SHANK2: variants seen among roughly 807,000 people sequenced by gnomAD.
The protein encoded by SHANK2 is SH3 and multiple ankyrin repeat domains 2.
SHANK2 carries 43 observed loss-of-function variants against 133.7 expected under a neutral mutation model. The observed-to-expected ratio is 0.32, with a 90% CI of 0.25 to 0.41. The LOEUF is 0.41. SHANK2 is among the 10% of genes least tolerant of loss of function. The probability of loss-of-function intolerance (pLI) is 1.00; values close to 1 mark genes in which losing one functional copy is unlikely to be tolerated. For synonymous variants in SHANK2, 1,017 were observed against 952.8 expected (o/e 1.07, Z -1.24); for missense variants, 1,994 against 2,235.8 (o/e 0.89, Z 2.18).
At chr11:71,064,168 C>T (rs1240846163) in intron 9 of SHANK2, among the ~76,000 whole-genome samples, 1 of 152,222 alleles carries the variant, frequency 6.6e-6, no homozygotes, top group Non-Finnish European at 1.5e-5. Flanking sequence ...CTGTCCTAGT[C>T]CCTGGGGACA....
intron 17 of SHANK2, among the ~76,000 whole-genome samples, chr11:70,655,895 G>A (rs561884): frequency 0.23 from 34,965 of 152,068 alleles, 4,248 homozygotes; most frequent in Non-Finnish European, 0.28. Context: ...TGGATGCCCA[G>A]CTCTCGCCTC....
chr11:70,533,699 C>T (rs2059507894), intron 17 of SHANK2, among the ~76,000 whole-genome samples: 1 of 152,118 alleles, frequency 6.6e-6, no homozygotes, highest in Admixed American at 6.5e-5. Flanking sequence ...GACTCCATGG[C>T]ATTTAGTACA....
chr11:70,656,501 C>A (rs2061407533), intron 17 of SHANK2, among the ~76,000 whole-genome samples: 3 of 152,154 alleles, frequency 2.0e-5, no homozygotes, highest in African/African-American at 7.2e-5. Flanking sequence ...CGCCGCCCTG[C>A]CCCTCCCACG....
chr11:70,869,270 C>T (rs1217049761), intron 11 of SHANK2, among the ~76,000 whole-genome samples: 8 of 152,302 alleles, frequency 5.3e-5, no homozygotes, highest in African/African-American at 1.2e-4. Flanking sequence ...TGCTTTATGA[C>T]GGCAGCTGGA....
At chr11:70,751,389 C>T (rs1946746206) in intron 14 of SHANK2, among the ~76,000 whole-genome samples, 2 of 152,210 alleles carry the variant, frequency 1.3e-5, no homozygotes, top group South Asian at 2.1e-4. Flanking sequence ...TTTTAAAATA[C>T]TGCAAATGCA....
Position 70,476,159 on chromosome 11 carries a change from C to T in SHANK2, c.4980-2720G>A, listed in dbSNP as rs572315946. Among the ~76,000 whole-genome samples, 8 of 152,184 alleles carry T rather than the reference C, an allele frequency of 5.3e-5. No homozygotes were observed. In the East Asian group the frequency reaches 1.2e-3, roughly 22 times the overall value. On this transcript the variant is annotated intron_variant, in intron 25 of 25. Coordinates refer to ENST00000601538, the MANE Select transcript of SHANK2 (RefSeq NM_012309.5). Reference sequence around the variant, plus strand: ...AGGAGAATTGCTTGAACCCAGGAGGCGGAGGTTGCAGTGAGCTGAGATCGT... The same window carrying T: ...AGGAGAATTGCTTGAACCCAGGAGGTGGAGGTTGCAGTGAGCTGAGATCGT...
intron 2 of SHANK2, among the ~76,000 whole-genome samples, chr11:71,177,502 G>A (rs1020750249): frequency 1.3e-5 from 2 of 152,034 alleles, no homozygotes; most frequent in Admixed American, 1.3e-4. Context: ...TGAACCCTAA[G>A]CCAACCATTG....
chr11:70,665,381 T>C (rs1226732020), intron 15 of SHANK2, among the ~76,000 whole-genome samples: 2 of 117,198 alleles, frequency 1.7e-5, no homozygotes, highest in Non-Finnish European at 3.8e-5. Context: ...CCTCAAGGGA[T>C]GCTCCCTTCT....
chr11:70,489,483 G>A, intron 23 of SHANK2, 135 bp from the exon 24 acceptor site: 2 of 837,374 alleles, frequency 2.4e-6, no homozygotes, highest in Non-Finnish European at 4.2e-6. Flanking sequence ...CCTAGTGACT[G>A]CCTACAGTTA....
intron 14 of SHANK2, among the ~76,000 whole-genome samples, chr11:70,728,788 T>C (rs2134709111): frequency 6.6e-6 from 1 of 152,300 alleles, no homozygotes; most frequent in South Asian, 2.1e-4. Flanking sequence ...TCACACCTTC[T>C]CCTACGCATG....
rs184212958 is a variant in SHANK2, at chr11:70,579,546, C to A, written c.2062-76615G>T. The stretch of plus-strand genomic sequence containing the variant: ...CCAGGTGGCATCTCCCAGGCCTGGG[C>A]GGTGATGGCATGAATGTAAGACAGG... On this transcript the variant is annotated intron_variant, in intron 17 of 25. Transcript: ENST00000601538. Among the ~76,000 whole-genome samples the A allele has an allele frequency of 2.9e-3, 436 of 152,152 alleles. 1 individual carries two copies. Among genetic ancestry groups the A allele is most frequent in the Middle Eastern group, 6.8e-3 (2 of 294 alleles).
intron 23 of SHANK2, 49 bp downstream of exon 23, chr11:70,490,227 G>T: frequency 6.7e-7 from 1 of 1,500,728 alleles, no homozygotes; most frequent in Non-Finnish European, 9.3e-7. Context: ...CTAAGGCTGT[G>T]TTTGAAAGCC....
chr11:70,650,939 G>C (rs907797397), intron 17 of SHANK2, among the ~76,000 whole-genome samples: 1 of 152,360 alleles, frequency 6.6e-6, no homozygotes, highest in East Asian at 1.9e-4. Flanking sequence ...AGCTTCAGAA[G>C]TAATTTTTAC....
At chr11:71,221,122 G>A (rs1210248223) in intron 2 of SHANK2, among the ~76,000 whole-genome samples, 9 of 151,280 alleles carry the variant, frequency 5.9e-5, no homozygotes, top group Admixed American at 1.3e-4. Context: ...AATCGCTTGA[G>A]CCCGGGAGGC....
chr11:70,952,748 G>T (rs1555086929), intron 10 of SHANK2: 1 of 421,290 alleles, frequency 2.4e-6, no homozygotes, highest in Non-Finnish European at 5.0e-6. Flanking sequence ...GGCTTCGTGT[G>T]TCCGGGGGGG....
chr11:71,070,522 A>G (rs1229941537), intron 9 of SHANK2, among the ~76,000 whole-genome samples: 1 of 152,048 alleles, frequency 6.6e-6, no homozygotes, highest in Non-Finnish European at 1.5e-5. Context: ...AGAGCTCTCC[A>G]TACTACCTCC....
rs984109051 is a variant in SHANK2, at chr11:70,641,476, G to A, written c.2061+18352C>T. Among the ~76,000 whole-genome samples, 14 of 152,226 alleles carry A rather than the reference G, an allele frequency of 9.2e-5. 1 individual carries two copies. Among genetic ancestry groups the A allele is most frequent in the South Asian group, 4.1e-4 (2 of 4,830 alleles). On this transcript the variant is annotated intron_variant, in intron 17 of 25. Coordinates refer to ENST00000601538, the MANE Select transcript of SHANK2 (RefSeq NM_012309.5). The stretch of plus-strand genomic sequence containing the variant: ...TGAGATCAACAGCAGAGAATGGCAT[G>A]TGCTCTCCTTCCAGAGGCACAGCAA...
chr11:70,921,845 C>T (rs1290499150), intron 10 of SHANK2, among the ~76,000 whole-genome samples: 1 of 152,138 alleles, frequency 6.6e-6, no homozygotes, highest in Admixed American at 6.5e-5. Flanking sequence ...CTAGAGTCTC[C>T]ATAATTTTTA....
At chr11:70,645,230 A>G (rs1555007808) in intron 17 of SHANK2, among the ~76,000 whole-genome samples, 1 of 152,118 alleles carries the variant, frequency 6.6e-6, no homozygotes, top group African/African-American at 2.4e-5. Context: ...AAAAACAAAA[A>G]TAAAAAACAC....
Sources: gnomAD v4.1 joint callset for allele counts (sites outside exome capture counted in the v4.1 genomes callset) on GRCh38, gnomAD v4.1.1 for gene constraint, MANE v1.5 for transcripts, NCBI Gene and HGNC (gene_info 2026-07-23, HGNC 2026-07-21) for gene names.